Variants in SLC39A12 observed in about 807,000 individuals in gnomAD.
SLC39A12 encodes zinc transporter ZIP12.
SLC39A12 carries 63 observed loss-of-function variants against 71.1 expected under a neutral mutation model. That is an observed-to-expected ratio of 0.89 (90% confidence interval 0.72 to 1.09). The LOEUF is 1.09. SLC39A12 is among the 50% of genes least tolerant of loss of function. SLC39A12 has a pLI of 0.00. For synonymous variants in SLC39A12, 351 were observed against 301.3 expected (o/e 1.16, Z -1.71); for missense variants, 892 against 812.6 (o/e 1.10, Z -1.19).
chr10:18,009,171 A>G (rs1836126789), intron 12 of SLC39A12, among the ~76,000 whole-genome samples: 2 of 152,152 alleles, frequency 1.3e-5, no homozygotes, highest in African/African-American at 4.8e-5. Flanking sequence ...TCCTGCCAAA[A>G]TGGTGTTTCC....
intron 7 of SLC39A12, among the ~76,000 whole-genome samples, chr10:17,988,359 C>G (rs1030112158): frequency 1.3e-5 from 2 of 152,006 alleles, no homozygotes; most frequent in Non-Finnish European, 2.9e-5. Flanking sequence ...GTTTAAAAGT[C>G]CAGAACCTCC....
chr10:18,027,299 A>G (rs980972897), intron 12 of SLC39A12, among the ~76,000 whole-genome samples: 9 of 152,132 alleles, frequency 5.9e-5, no homozygotes, highest in African/African-American at 2.2e-4. Flanking sequence ...GAAATTGGGT[A>G]TTTTCCTTCC....
rs769237918 is a variant in SLC39A12 at position 17,987,586 on chromosome 10, C to T, written c.1204C>T (p.Gln402Ter). 1.9e-6 allele frequency: 3 copies of T among 1,614,172 alleles called. No homozygotes were observed. Among genetic ancestry groups the T allele is most frequent in the South Asian group, 1.1e-5 (1 of 91,084 alleles). ...SCEENYRLILQLFVGLAVGTL... is the reference protein window; with the variant it reads ...SCEENYRLIL ...TGAGGAGAACTACAGGCTTATCTTA[C>T]AGCTGTTTGTGGGCTTGGCCGTCGG... The change falls in exon 7 of 13, where the codon CAG becomes TAG. Residue 402 changes from glutamine (Q) to a stop codon, truncating the protein, a stop_gained. Coordinates refer to ENST00000377369, the MANE Select transcript of SLC39A12 (RefSeq NM_001145195.2). LOFTEE classifies it high-confidence loss of function.
At chr10:17,988,680 G>A (rs1835465825) in intron 7 of SLC39A12, among the ~76,000 whole-genome samples, 1 of 152,146 alleles carries the variant, frequency 6.6e-6, no homozygotes. Context: ...AGCCAATGAG[G>A]GGCACAATGG....
At chr10:18,013,359 T>TTAA (rs56787308) in intron 12 of SLC39A12, among the ~76,000 whole-genome samples, 6,744 of 146,870 alleles carry the variant, frequency 0.046, 559 homozygotes, top group African/African-American at 0.16. Flanking sequence ...ATTATTATTA[T>TTAA]TATTATTATT....
intron 12 of SLC39A12, among the ~76,000 whole-genome samples, chr10:18,036,817 A>C (rs1176715869): frequency 9.5e-6 from 1 of 105,266 alleles, no homozygotes; most frequent in Non-Finnish European, 1.8e-5. Context: ...ATGGAATCTC[A>C]CTCTTGTCGC....
chr10:17,978,851 C>T (rs557026735), intron 5 of SLC39A12, among the ~76,000 whole-genome samples: 1 of 152,276 alleles, frequency 6.6e-6, no homozygotes, highest in East Asian at 1.9e-4. Context: ...TTAGGTTGAT[C>T]ATTTTCCAAG....
intron 12 of SLC39A12, among the ~76,000 whole-genome samples, chr10:18,012,839 C>G (rs1322012769): frequency 2.1e-5 from 3 of 139,606 alleles, no homozygotes; most frequent in Non-Finnish European, 4.5e-5. Context: ...GCACTCCAGC[C>G]TGGGTGACAA....
intron 3 of SLC39A12, among the ~76,000 whole-genome samples, 181 bp downstream of exon 3, chr10:17,962,043 T>C (rs1554848476): frequency 6.6e-6 from 1 of 152,222 alleles, no homozygotes; most frequent in African/African-American, 2.4e-5. Context: ...AGAGGAAATG[T>C]AATGACTAAT....
At position 17,993,181 on chromosome 10, in the gene SLC39A12, C is replaced by G. The variant is rs756705435; in HGVS notation, c.1423C>G (p.Gln475Glu). ...CTAATTTTAAACCATCCTCATCCAG[C>G]AGGGCCTGTCATTGGTTAATGGGCA... Reference protein sequence around the residue: ...FILLVSPNDKQGLSLVNGHVG... With the variant: ...FILLVSPNDKEGLSLVNGHVG... Residue 475 changes from glutamine (Q) to glutamate (E), a missense_variant and splice_region_variant, in exon 9 of 13, where the codon CAG (glutamine) becomes GAG (glutamate). Gln to Glu is a conservative substitution (Grantham distance 29, BLOSUM62 2). Transcript: ENST00000377369. The G allele has an allele frequency of 1.0e-5, 16 of 1,549,002 alleles. No homozygotes were observed. The highest frequency in any genetic ancestry group is 1.4e-5 in the Non-Finnish European group (16 of 1,144,842).
Position 18,003,123 on chromosome 10 carries a change from G to A in SLC39A12, c.1760-48G>A, listed in dbSNP as rs147603411. ...AATAGTGCGTTACTTTAGCAAAGGCGTCTTCCATTAAATGATAATTATATT... is the reference window on the plus strand; with the variant it reads ...AATAGTGCGTTACTTTAGCAAAGGCATCTTCCATTAAATGATAATTATATT... On this transcript the variant is annotated intron_variant, in intron 11 of 12. Transcript: ENST00000377369. 1.9e-5 allele frequency: 30 copies of A among 1,562,740 alleles called. No individual in the cohort carries two copies. In the African/African-American group the frequency reaches 2.6e-4, roughly 13 times the overall value.
intron 6 of SLC39A12, among the ~76,000 whole-genome samples, chr10:17,983,517 C>T (rs1289234103): frequency 2.0e-5 from 3 of 152,166 alleles, no homozygotes; most frequent in African/African-American, 4.8e-5. Context: ...GGCACAGTGG[C>T]TTATGCCTGT....
At chr10:18,013,182 AAGT>A (rs1370939270) in intron 12 of SLC39A12, among the ~76,000 whole-genome samples, 2 of 151,334 alleles carry the variant, frequency 1.3e-5, no homozygotes, top group Admixed American at 6.6e-5. Context: ...TTAAAAAGAT[AAGT>A]AGTTAATAAG....
chr10:17,976,588 T>TA (rs1554850105), intron 4 of SLC39A12, among the ~76,000 whole-genome samples: 3,410 of 152,084 alleles, frequency 0.022, 117 homozygotes, highest in African/African-American at 0.074. Flanking sequence ...TGGCTAATTT[T>TA]TATATATATA....
intron 12 of SLC39A12, among the ~76,000 whole-genome samples, chr10:18,006,714 G>T (rs1222394099): frequency 3.3e-5 from 5 of 152,166 alleles, no homozygotes; most frequent in African/African-American, 1.2e-4. Context: ...TTTATCTACA[G>T]GCTCTTGTCC....
chr10:18,019,274 T>C (rs2130872672), intron 12 of SLC39A12, among the ~76,000 whole-genome samples: 1 of 152,082 alleles, frequency 6.6e-6, no homozygotes, highest in Admixed American at 6.5e-5. Context: ...GTACTTTGTA[T>C]CTTCTCTCCT....
At chr10:17,995,843 A>G (rs1409308376) in intron 10 of SLC39A12, 121 bp downstream of exon 10, 18 of 766,088 alleles carry the variant, frequency 2.3e-5, no homozygotes, top group Middle Eastern at 2.7e-4. Flanking sequence ...ATTATGAAAA[A>G]CTTTGCAATA....
chr10:17,968,444 C>G (rs370574257), intron 4 of SLC39A12, among the ~76,000 whole-genome samples: 1 of 152,234 alleles, frequency 6.6e-6, no homozygotes, highest in East Asian at 1.9e-4. Context: ...TTTAAGTGAG[C>G]TTAATCAAAA....
chr10:18,015,390 C>T (rs1836347813), intron 12 of SLC39A12, among the ~76,000 whole-genome samples: 2 of 151,972 alleles, frequency 1.3e-5, no homozygotes, highest in Non-Finnish European at 2.9e-5. Flanking sequence ...TAAGTGAATA[C>T]TCAAAAGATG....
Sources: allele counts gnomAD v4.1 joint callset (sites outside exome capture counted in the v4.1 genomes callset), GRCh38; gene constraint gnomAD v4.1.1; transcripts MANE v1.5; gene names NCBI Gene and HGNC (gene_info 2026-07-23, HGNC 2026-07-21).